Variants in ACCSL observed in about 807,000 individuals in gnomAD.
ACCSL encodes probable inactive 1-aminocyclopropane-1-carboxylate synthase-like protein 2.
In ACCSL, 55 loss-of-function variants were observed where a neutral mutation model predicts 61.7. The ratio of observed to expected loss-of-function variants is 0.89; its 90% CI spans 0.72 to 1.12. The LOEUF (loss-of-function observed/expected upper bound fraction) is 1.12, where lower values mean the gene tolerates loss of function less well. Ranked by LOEUF, ACCSL falls within the 50% of genes most tolerant of loss-of-function variation. ACCSL has a pLI of 0.00. For missense variants in ACCSL, 632 were observed against 698.0 expected (o/e 0.91, Z 1.07); for synonymous variants, 258 against 264.3 (o/e 0.98, Z 0.23).
At chr11:44,038,896 G>C in the ACCSL span, among the ~76,000 whole-genome samples, 1 of 152,120 alleles carries the variant, frequency 6.6e-6, no homozygotes, top group Non-Finnish European at 1.5e-5. Context: ...GTCCCTGAAG[G>C]TATTTGAATT....
At chr11:43,999,522 T>G in the ACCSL span, among the ~76,000 whole-genome samples, 9 of 152,322 alleles carry the variant, frequency 5.9e-5, no homozygotes, top group African/African-American at 2.2e-4. Flanking sequence ...GGCTGTTGAC[T>G]GCAGGTGGTC....
At chr11:43,986,759 A>C in the ACCSL span, among the ~76,000 whole-genome samples, 2 of 152,178 alleles carry the variant, frequency 1.3e-5, no homozygotes, top group African/African-American at 4.8e-5. Flanking sequence ...GAGTTTGTCA[A>C]CTGGGATAAT....
At chr11:43,999,629 C>T in the ACCSL span, among the ~76,000 whole-genome samples, 54 of 152,262 alleles carry the variant, frequency 3.5e-4, no homozygotes, top group East Asian at 5.8e-4. Flanking sequence ...AGAAGTGATA[C>T]GCCTTCTTTG....
the ACCSL span, among the ~76,000 whole-genome samples, chr11:43,939,320 C>T: frequency 1.3e-5 from 2 of 152,196 alleles, no homozygotes; most frequent in African/African-American, 4.8e-5. Context: ...AAGCCAATGC[C>T]ACATATTTGA....
the ACCSL span, chr11:43,974,218 T>A: frequency 6.6e-6 from 1 of 152,276 alleles, no homozygotes; most frequent in Non-Finnish European, 1.5e-5. Context: ...GCTATATTCA[T>A]GGACTATGAC....
chr11:43,927,333 G>T, the ACCSL span, among the ~76,000 whole-genome samples: 1 of 152,196 alleles, frequency 6.6e-6, no homozygotes, highest in African/African-American at 2.4e-5. Context: ...TGGAAATCAC[G>T]AGAATGGAGG....
the ACCSL span, among the ~76,000 whole-genome samples, chr11:43,978,458 A>G: frequency 6.6e-6 from 1 of 152,228 alleles, no homozygotes; most frequent in Non-Finnish European, 1.5e-5. Context: ...TTACAATGAT[A>G]TATAAAAAGT....
chr11:44,038,381 C>T, the ACCSL span, among the ~76,000 whole-genome samples: 1 of 152,140 alleles, frequency 6.6e-6, no homozygotes, highest in Non-Finnish European at 1.5e-5. Context: ...TATGTGGGAA[C>T]ATAGGCATGG....
At chr11:43,955,494 C>T in the ACCSL span, among the ~76,000 whole-genome samples, 9 of 152,056 alleles carry the variant, frequency 5.9e-5, no homozygotes, top group African/African-American at 2.2e-4. Flanking sequence ...GGCCACACCA[C>T]GTGGAAGATG....
At chr11:43,998,249 C>G in the ACCSL span, among the ~76,000 whole-genome samples, 1 of 152,174 alleles carries the variant, frequency 6.6e-6, no homozygotes, top group African/African-American at 2.4e-5. Flanking sequence ...AGCACTGTTA[C>G]GTGGAAATGC....
chr11:43,968,033 C>T, the ACCSL span, among the ~76,000 whole-genome samples: 2 of 152,092 alleles, frequency 1.3e-5, no homozygotes, highest in African/African-American at 2.4e-5. Context: ...GGCAATTTTG[C>T]CCCTCTGAGG....
At chr11:43,992,054 C>CTT in the ACCSL span, among the ~76,000 whole-genome samples, 623 of 114,148 alleles carry the variant, frequency 5.5e-3, 10 homozygotes, top group Non-Finnish European at 8.3e-3. Flanking sequence ...TTCTTTCTTT[C>CTT]TTTTTTTTTT....
At chr11:44,016,451 A>G in the ACCSL span, among the ~76,000 whole-genome samples, 5 of 152,312 alleles carry the variant, frequency 3.3e-5, no homozygotes, top group African/African-American at 1.2e-4. Context: ...GCTAGACTAC[A>G]ACAGGATTGG....
At chr11:44,034,431 TA>T in the ACCSL span, among the ~76,000 whole-genome samples, 1 of 152,206 alleles carries the variant, frequency 6.6e-6, no homozygotes, top group Non-Finnish European at 1.5e-5. Flanking sequence ...ATGCTGCTGA[TA>T]AAGACATACC....
the ACCSL span, among the ~76,000 whole-genome samples, chr11:43,973,597 A>C: frequency 1.1e-3 from 175 of 152,316 alleles, no homozygotes; most frequent in African/African-American, 4.0e-3. Context: ...GGGCTAGGGT[A>C]GCGTAATTTG....
chr11:44,050,728 T>G, intron 3 of ACCSL, 106 bp downstream of exon 3: 5 of 995,584 alleles, frequency 5.0e-6, no homozygotes, highest in Non-Finnish European at 7.7e-6. Flanking sequence ...TCCCTATCTC[T>G]TTGGGTAATA....
the ACCSL span, among the ~76,000 whole-genome samples, chr11:44,032,975 G>A: frequency 6.6e-6 from 1 of 152,264 alleles, no homozygotes; most frequent in Admixed American, 6.5e-5. Flanking sequence ...GGGAGGAGTC[G>A]GCAGGAACTC....
rs1238345822 is a variant in ACCSL at position 44,048,204 on chromosome 11, G to C, written c.168G>C (p.Glu56Asp). 2 of 1,614,056 alleles carry C rather than the reference G, an allele frequency of 1.2e-6. No homozygotes were observed. Among genetic ancestry groups the C allele is most frequent in the Admixed American group, 3.3e-5 (2 of 60,002 alleles). Residue 56 changes from glutamate (E) to aspartate (D), a missense_variant, in exon 1 of 14, where the codon GAG (glutamate) becomes GAC (aspartate). Coordinates refer to ENST00000378832, the MANE Select transcript of ACCSL (RefSeq NM_001031854.2). Reference sequence around the variant, plus strand: ...CGAGCAGACAGGGCCTGTCGCTGGAGGAAAGGAGGCACACTGAGGCCATCT... The same window carrying C: ...CGAGCAGACAGGGCCTGTCGCTGGACGAAAGGAGGCACACTGAGGCCATCT... The part of the protein sequence containing the change: ...QLTSRQGLSL[E>D]ERRHTEAICE...
the ACCSL span, among the ~76,000 whole-genome samples, chr11:44,001,775 C>CTCTG: frequency 1.0e-5 from 1 of 96,768 alleles, no homozygotes; most frequent in African/African-American, 4.3e-5. Context: ...GGTAAAGGGG[C>CTCTG]TGTGTGTGTG....
Sources: gnomAD v4.1 joint callset for allele counts (sites outside exome capture counted in the v4.1 genomes callset) on GRCh38, gnomAD v4.1.1 for gene constraint, MANE v1.5 for transcripts, NCBI Gene and HGNC (gene_info 2026-07-23, HGNC 2026-07-21) for gene names.